The following TASP1 variants were observed in gnomAD, a reference collection of about 807,000 sequenced individuals.
TASP1 encodes the protein threonine aspartase 1.
Under a neutral mutation model 56.6 loss-of-function variants are expected in TASP1, and 16 were observed. The ratio of observed to expected loss-of-function variants is 0.28; its 90% confidence interval spans 0.19 to 0.43. The LOEUF (loss-of-function observed/expected upper bound fraction) is 0.43. Ranked by LOEUF, TASP1 falls within the 20% of genes least tolerant of loss-of-function variation. TASP1 has a pLI of 1.00. For synonymous variants in TASP1, 179 were observed against 184.2 expected, an observed-to-expected ratio of 0.97 and a Z score of 0.23; for missense variants, 393 against 511.6, an observed-to-expected ratio of 0.77 and a Z score of 2.24.
chr20:13,263,686 G>A, the TASP1 span, among the ~76,000 whole-genome samples: 1 of 152,214 alleles, frequency 6.6e-6, no homozygotes, highest in East Asian at 1.9e-4. Context: ...GAAGAAAATG[G>A]AGTGTTTGAA....
chr20:13,182,687 G>T, the TASP1 span, among the ~76,000 whole-genome samples: 2 of 152,134 alleles, frequency 1.3e-5, no homozygotes, highest in Non-Finnish European at 2.9e-5. Context: ...TAAAGGCAAA[G>T]ACCTTATTCT....
At chr20:13,457,577 C>A (rs927422476) in intron 11 of TASP1, among the ~76,000 whole-genome samples, 3 of 151,978 alleles carry the variant, frequency 2.0e-5, no homozygotes, top group Non-Finnish European at 4.4e-5. Context: ...GATAAACTCA[C>A]AACTTTTTAA....
downstream of TASP1, among the ~76,000 whole-genome samples, chr20:13,386,552 T>G (rs905506241): frequency 6.6e-6 from 1 of 152,216 alleles, no homozygotes; most frequent in African/African-American, 2.4e-5. Flanking sequence ...GATGCTCTTT[T>G]CTAAATCTTC....
the TASP1 span, among the ~76,000 whole-genome samples, chr20:13,257,902 C>T: frequency 2.6e-5 from 4 of 151,984 alleles, no homozygotes; most frequent in Admixed American, 2.0e-4. Flanking sequence ...CTTGTTCTAA[C>T]CAGCTCCAGG....
At chr20:13,145,468 C>T in the TASP1 span, among the ~76,000 whole-genome samples, 1 of 152,132 alleles carries the variant, frequency 6.6e-6, no homozygotes, top group African/African-American at 2.4e-5. Flanking sequence ...TTACAAAACA[C>T]TGTTCAAAGA....
chr20:13,496,396 A>G (rs1359816413), intron 10 of TASP1, among the ~76,000 whole-genome samples: 1 of 152,070 alleles, frequency 6.6e-6, no homozygotes, highest in Non-Finnish European at 1.5e-5. Flanking sequence ...CATGAACTAC[A>G]GTGATACTAT....
the TASP1 span, chr20:13,244,399 A>C: frequency 6.6e-6 from 1 of 152,050 alleles, no homozygotes; most frequent in East Asian, 1.9e-4. Context: ...AAAAAAAAAA[A>C]AACCAGCATA....
intron 2 of TASP1, among the ~76,000 whole-genome samples, chr20:13,625,888 A>C (rs1370738511): frequency 2.6e-5 from 4 of 152,138 alleles, no homozygotes; most frequent in African/African-American, 4.8e-5. Flanking sequence ...CTGTCTTTTA[A>C]TCAAATACCC....
chr20:13,518,382 G>C (rs2044613071), intron 10 of TASP1, among the ~76,000 whole-genome samples: 1 of 152,024 alleles, frequency 6.6e-6, no homozygotes, highest in African/African-American at 2.4e-5. Context: ...AACACTCTCA[G>C]AGAAGAAAGA....
In TASP1 at chr20:13,576,117, G is replaced by A. The variant is rs139168944; in HGVS notation, c.488+4780C>T. Among the ~76,000 whole-genome samples, 763 of 148,832 alleles carry A rather than the reference G, an allele frequency of 5.1e-3. 4 individuals are homozygous for A. Among genetic ancestry groups the A allele is most frequent in the East Asian group, 0.012 (60 of 4,936 alleles). ...CTCAGGAGGCTGAGGCAGGAGAATC[G>A]CTTGAACCTAGGAAGCAGAGACTGC... On this transcript the variant is annotated intron_variant, in intron 6 of 13. Coordinates refer to ENST00000337743, the MANE Select transcript of TASP1 (RefSeq NM_017714.3).
At chr20:13,270,580 T>C in the TASP1 span, 43 of 1,613,874 alleles carry the variant, frequency 2.7e-5, no homozygotes, top group Admixed American at 6.7e-5. Context: ...AGGGAGCATC[T>C]GGACCACCAG....
At chr20:13,164,671 G>C in the TASP1 span, 55 of 980,146 alleles carry the variant, frequency 5.6e-5, no homozygotes, top group Non-Finnish European at 8.3e-5. Flanking sequence ...GTGTCTTTGT[G>C]AGGCTTGCTA....
At chr20:13,267,593 G>A in the TASP1 span, among the ~76,000 whole-genome samples, 1 of 152,146 alleles carries the variant, frequency 6.6e-6, no homozygotes, top group African/African-American at 2.4e-5. Flanking sequence ...GGTTTGCTTG[G>A]TCTGGGGCTA....
the TASP1 span, among the ~76,000 whole-genome samples, chr20:13,236,809 T>G: frequency 6.6e-6 from 1 of 152,164 alleles, no homozygotes; most frequent in Admixed American, 6.5e-5. Context: ...TGACTCCAGG[T>G]CTCACATCAA....
chr20:13,148,159 T>G, the TASP1 span, among the ~76,000 whole-genome samples: 1 of 152,200 alleles, frequency 6.6e-6, no homozygotes. Flanking sequence ...CTAAACATAT[T>G]TTTGGAAATG....
chr20:13,546,785 A>G (rs1411521266), intron 8 of TASP1, among the ~76,000 whole-genome samples: 2 of 152,152 alleles, frequency 1.3e-5, no homozygotes, highest in Non-Finnish European at 2.9e-5. Context: ...GGCTGTTTCA[A>G]GCTATTATTT....
the TASP1 span, among the ~76,000 whole-genome samples, chr20:13,280,397 C>A: frequency 1.3e-5 from 2 of 148,696 alleles, no homozygotes; most frequent in Non-Finnish European, 3.0e-5. Context: ...AGTAACCCCC[C>A]CCCCCCAATA....
At chr20:13,537,197 A>C (rs2045450997) in intron 8 of TASP1, among the ~76,000 whole-genome samples, 1 of 152,186 alleles carries the variant, frequency 6.6e-6, no homozygotes, top group Non-Finnish European at 1.5e-5. Flanking sequence ...AAAGATACAA[A>C]AACTGATGTC....
chr20:13,116,919 C>T, the TASP1 span, among the ~76,000 whole-genome samples: 43,542 of 151,860 alleles, frequency 0.29, 6,481 homozygotes, highest in Admixed American at 0.34. Flanking sequence ...GTTCCTCTGC[C>T]CTAAAGGAAC....
Sources: allele counts gnomAD v4.1 joint callset (sites outside exome capture counted in the v4.1 genomes callset), GRCh38; gene constraint gnomAD v4.1.1; transcripts MANE v1.5; gene names NCBI Gene and HGNC (gene_info 2026-07-23, HGNC 2026-07-21).